The following WDPCP variants were observed in gnomAD, a reference collection of about 807,000 sequenced individuals.
WDPCP encodes WD repeat containing planar cell polarity effector, also known as WD repeat-containing and planar cell polarity effector protein fritz homolog.
Under a neutral mutation model 93.1 loss-of-function variants are expected in WDPCP, and 71 were observed. That is an observed-to-expected ratio of 0.76 (90% CI 0.63 to 0.93). The LOEUF (loss-of-function observed/expected upper bound fraction) is 0.93, where lower values mean the gene tolerates loss of function less well. WDPCP is among the 40% of genes least tolerant of loss of function. WDPCP has a pLI of 0.00. For synonymous variants in WDPCP, 315 were observed against 315.0 expected (o/e 1.00, Z 0.00); for missense variants, 844 against 887.4 (o/e 0.95, Z 0.62).
intron 1 of WDPCP, among the ~76,000 whole-genome samples, chr2:63,509,680 C>G (rs1702104604): frequency 6.6e-6 from 1 of 151,864 alleles, no homozygotes; most frequent in African/African-American, 2.4e-5. Context: ...AGATAGACCA[C>G]TAGCCAGAAT....
At chr2:63,758,928 C>T (rs1670010805) in intron 2 of WDPCP, among the ~76,000 whole-genome samples, 1 of 152,050 alleles carries the variant, frequency 6.6e-6, no homozygotes, top group African/African-American at 2.4e-5. Flanking sequence ...CAGGTGTGCA[C>T]CACCATGCTG....
At chr2:63,242,994 G>A (rs186528487) in intron 14 of WDPCP, among the ~76,000 whole-genome samples, 123 of 152,224 alleles carry the variant, frequency 8.1e-4, no homozygotes, top group African/African-American at 2.5e-3. Flanking sequence ...CCTGGAACAC[G>A]TCCCAGGATT....
At chr2:63,835,235 C>CA in the WDPCP span, among the ~76,000 whole-genome samples, 1 of 151,308 alleles carries the variant, frequency 6.6e-6, no homozygotes, top group Non-Finnish European at 1.5e-5. Flanking sequence ...AAAAAAAATA[C>CA]AAAAATTAGC....
At chr2:63,508,753 T>C (rs1184612353) in intron 1 of WDPCP, among the ~76,000 whole-genome samples, 1 of 151,664 alleles carries the variant, frequency 6.6e-6, no homozygotes, top group African/African-American at 2.4e-5. Flanking sequence ...ACCAAGCAAA[T>C]GGAAAGCAAA....
At chr2:63,782,005 C>T (rs989908463) in intron 2 of WDPCP, among the ~76,000 whole-genome samples, 4 of 152,062 alleles carry the variant, frequency 2.6e-5, no homozygotes, top group Non-Finnish European at 5.9e-5. Context: ...ATTGGGTAGC[C>T]CAGAAAGCCT....
At chr2:63,591,738 A>G (rs10173604), upstream of WDPCP, among the ~76,000 whole-genome samples, 29 of 152,222 alleles carry the variant, frequency 1.9e-4, no homozygotes, top group Admixed American at 8.5e-4. Flanking sequence ...AGAGCGCTTC[A>G]TGGCCTAATA....
intron 14 of WDPCP, among the ~76,000 whole-genome samples, chr2:63,202,828 T>C (rs1206696961): frequency 6.6e-6 from 1 of 152,154 alleles, no homozygotes; most frequent in Non-Finnish European, 1.5e-5. Flanking sequence ...AATCAATCTC[T>C]CATTCTTCCT....
chr2:63,684,679 C>T (rs1353833652), intron 2 of WDPCP: 1 of 678,606 alleles, frequency 1.5e-6, no homozygotes, highest in Non-Finnish European at 2.8e-6. Flanking sequence ...ACAAGATAGG[C>T]AAGAACAAGT....
At chr2:63,142,555 C>T (rs1043549683) in intron 17 of WDPCP, among the ~76,000 whole-genome samples, 1 of 152,054 alleles carries the variant, frequency 6.6e-6, no homozygotes, top group Non-Finnish European at 1.5e-5. Context: ...TATGGGCTAT[C>T]ATGTGCTGTA....
chr2:63,173,237 C>T (rs574866162), intron 15 of WDPCP, among the ~76,000 whole-genome samples: 2 of 150,356 alleles, frequency 1.3e-5, no homozygotes, highest in African/African-American at 4.9e-5. Context: ...CATTGCACTC[C>T]AGCCTGGGCA....
intron 14 of WDPCP, among the ~76,000 whole-genome samples, chr2:63,204,548 G>C (rs1239033086): frequency 6.6e-6 from 1 of 151,776 alleles, no homozygotes; most frequent in Non-Finnish European, 1.5e-5. Flanking sequence ...CACCATGTTG[G>C]CCAGGCTGGT....
chr2:63,588,600 C>T (rs1278277556), upstream of WDPCP: 5 of 518,074 alleles, frequency 9.7e-6, no homozygotes, highest in East Asian at 3.5e-5. Context: ...AGGATGCAGT[C>T]TCAGTCACGC....
At chr2:63,752,102 T>C in intron 2 of WDPCP, 1 of 605,808 alleles carries the variant, frequency 1.7e-6, no homozygotes, top group Non-Finnish European at 3.0e-6. Flanking sequence ...AGGGCTTTCC[T>C]AACTTCACAG....
At chr2:63,739,083 T>C (rs1002567314) in intron 2 of WDPCP, among the ~76,000 whole-genome samples, 4 of 152,162 alleles carry the variant, frequency 2.6e-5, no homozygotes, top group East Asian at 1.9e-4. Flanking sequence ...GTTTGTTATA[T>C]AGGTAAATAC....
At chr2:63,723,289 TAAA>T (rs369400703) in intron 2 of WDPCP, among the ~76,000 whole-genome samples, 1 of 138,148 alleles carries the variant, frequency 7.2e-6, no homozygotes, top group Non-Finnish European at 1.6e-5. Context: ...AATAAAAAAT[TAAA>T]AAAAAAAAAA....
intron 17 of WDPCP, among the ~76,000 whole-genome samples, chr2:63,127,662 C>CATATATATATATATAT (rs67091232): frequency 1.5e-5 from 2 of 131,720 alleles, no homozygotes; most frequent in East Asian, 2.3e-4. Flanking sequence ...TGTGTATGTG[C>CATATATATATATATAT]ATATATATAT....
intron 10 of WDPCP, among the ~76,000 whole-genome samples, chr2:63,394,227 A>C (rs561828547): frequency 1.3e-5 from 2 of 152,098 alleles, no homozygotes; most frequent in Non-Finnish European, 2.9e-5. Flanking sequence ...AACAATTGGG[A>C]AAGAACATAG....
At chr2:63,583,022 A>T (rs573894467) in intron 1 of WDPCP, among the ~76,000 whole-genome samples, 2 of 152,348 alleles carry the variant, frequency 1.3e-5, no homozygotes, top group African/African-American at 4.8e-5. Flanking sequence ...AATATTTAAG[A>T]TATTTTCTCA....
At chr2:63,278,061 A>G (rs1683216824) in intron 13 of WDPCP, among the ~76,000 whole-genome samples, 1 of 152,236 alleles carries the variant, frequency 6.6e-6, no homozygotes, top group African/African-American at 2.4e-5. Flanking sequence ...TCTATCAAGT[A>G]CTTTCAGACA....
Sources: allele counts gnomAD v4.1 joint callset (sites outside exome capture counted in the v4.1 genomes callset), GRCh38; gene constraint gnomAD v4.1.1; transcripts MANE v1.5; gene names NCBI Gene and HGNC (gene_info 2026-07-23, HGNC 2026-07-21).